Variants in CCSER1 observed in about 807,000 individuals in gnomAD.
CCSER1 encodes coiled-coil serine rich protein 1.
Under a neutral mutation model 82.0 loss-of-function variants are expected in CCSER1, and 41 were observed. The observed-to-expected ratio is 0.50, with a 90% confidence interval of 0.39 to 0.65. CCSER1 has a LOEUF of 0.65. Among genes scored for constraint, CCSER1 ranks in the 30% least tolerant of loss-of-function variants. The probability of loss-of-function intolerance (pLI) is 0.00; values close to 1 mark genes in which losing one functional copy is unlikely to be tolerated. For synonymous variants in CCSER1, 414 were observed against 383.9 expected (o/e 1.08, Z -0.92); for missense variants, 1,119 against 1,064.2 (o/e 1.05, Z -0.72).
chr4:91,139,500 G>A (rs1246456671), intron 10 of CCSER1, among the ~76,000 whole-genome samples: 1 of 151,914 alleles, frequency 6.6e-6, no homozygotes, highest in Non-Finnish European at 1.5e-5. Context: ...AGCAGATATT[G>A]AACAAAAAGA....
intron 5 of CCSER1, among the ~76,000 whole-genome samples, chr4:90,546,889 A>G (rs1776827690): frequency 6.6e-6 from 1 of 152,014 alleles, no homozygotes. Context: ...TTCATTATCA[A>G]ATCTGCTTTT....
chr4:91,584,829 T>C (rs979860154), intron 10 of CCSER1, among the ~76,000 whole-genome samples: 1 of 151,144 alleles, frequency 6.6e-6, no homozygotes, highest in African/African-American at 2.4e-5. Flanking sequence ...TCTTCTTGCC[T>C]ATTATGTGAG....
intron 3 of CCSER1, among the ~76,000 whole-genome samples, chr4:90,336,863 A>C (rs1007383204): frequency 6.6e-6 from 1 of 152,216 alleles, no homozygotes; most frequent in African/African-American, 2.4e-5. Context: ...ATCCTTCTGC[A>C]TTCGTCAGCA....
chr4:90,424,452 A>G (rs1475070576), intron 4 of CCSER1, among the ~76,000 whole-genome samples: 1 of 152,206 alleles, frequency 6.6e-6, no homozygotes, highest in Non-Finnish European at 1.5e-5. Flanking sequence ...ACCGCTAACT[A>G]TAATACTCAT....
chr4:90,637,674 A>G (rs1002527803), intron 6 of CCSER1, among the ~76,000 whole-genome samples: 1 of 152,146 alleles, frequency 6.6e-6, no homozygotes, highest in Non-Finnish European at 1.5e-5. Flanking sequence ...CAACTCAAGT[A>G]TAGTTTTCCA....
At chr4:91,374,472 TG>T (rs1348685948) in intron 10 of CCSER1, among the ~76,000 whole-genome samples, 3 of 152,218 alleles carry the variant, frequency 2.0e-5, no homozygotes, top group Non-Finnish European at 4.4e-5. Flanking sequence ...ATGACAGCAC[TG>T]CTGTTTACAA....
chr4:90,155,196 A>T (rs1727828440), intron 1 of CCSER1, among the ~76,000 whole-genome samples: 1 of 152,198 alleles, frequency 6.6e-6, no homozygotes, highest in East Asian at 1.9e-4. Context: ...TGATTTGCGT[A>T]TATTGAACCA....
chr4:90,693,129 C>T (rs1365663776), intron 6 of CCSER1, among the ~76,000 whole-genome samples: 1 of 151,864 alleles, frequency 6.6e-6, no homozygotes, highest in Non-Finnish European at 1.5e-5. Flanking sequence ...GTGGCTGAGT[C>T]TTCAAATTCT....
At chr4:91,513,164 G>A (rs1347791566) in intron 10 of CCSER1, among the ~76,000 whole-genome samples, 1 of 152,052 alleles carries the variant, frequency 6.6e-6, no homozygotes, top group Admixed American at 6.6e-5. Context: ...TTTCTTTAGG[G>A]TTTTTATCAT....
intron 3 of CCSER1, among the ~76,000 whole-genome samples, chr4:90,314,763 A>AT (rs1735874619): frequency 1.3e-5 from 2 of 151,616 alleles, no homozygotes; most frequent in Non-Finnish European, 2.9e-5. Context: ...AGATAAATAA[A>AT]AAATAAATAA....
chr4:91,531,072 C>A (rs1761006382), intron 10 of CCSER1, among the ~76,000 whole-genome samples: 3 of 151,864 alleles, frequency 2.0e-5, no homozygotes, highest in African/African-American at 7.2e-5. Context: ...TATGAGGCCC[C>A]CAAAATATTA....
At chr4:90,436,931 C>A (rs961882950) in intron 4 of CCSER1, among the ~76,000 whole-genome samples, 1 of 151,846 alleles carries the variant, frequency 6.6e-6, no homozygotes, top group East Asian at 1.9e-4. Context: ...CTCAGCCTCC[C>A]GAGTAGCTGG....
intron 5 of CCSER1, among the ~76,000 whole-genome samples, chr4:90,479,104 T>G (rs532910768): frequency 5.3e-5 from 8 of 152,286 alleles, no homozygotes; most frequent in African/African-American, 1.9e-4. Flanking sequence ...ATCATTCTTT[T>G]TTTTTTCAAA....
At chr4:91,506,743 A>C (rs1759512612) in intron 10 of CCSER1, among the ~76,000 whole-genome samples, 1 of 152,164 alleles carries the variant, frequency 6.6e-6, no homozygotes, top group Non-Finnish European at 1.5e-5. Flanking sequence ...ATGTGCATAG[A>C]GTTGAGCAAC....
chr4:90,280,549 C>T (rs1332848531), intron 1 of CCSER1, among the ~76,000 whole-genome samples: 1 of 151,902 alleles, frequency 6.6e-6, no homozygotes, highest in African/African-American at 2.4e-5. Context: ...AAATAGGCCT[C>T]TATTTTAATA....
intron 8 of CCSER1, among the ~76,000 whole-genome samples, chr4:90,881,890 G>C (rs1238199232): frequency 6.6e-6 from 1 of 150,750 alleles, no homozygotes; most frequent in East Asian, 1.9e-4. Flanking sequence ...ACTCACTGCA[G>C]CTGAACTGCA....
At chr4:91,150,000 T>C (rs1438396017) in intron 10 of CCSER1, among the ~76,000 whole-genome samples, 1 of 152,214 alleles carries the variant, frequency 6.6e-6, no homozygotes, top group Non-Finnish European at 1.5e-5. Flanking sequence ...AAGTAGTTTT[T>C]TCCAATTCTG....
intron 7 of CCSER1, among the ~76,000 whole-genome samples, chr4:90,800,221 G>A (rs1158402561): frequency 1.3e-5 from 2 of 152,046 alleles, no homozygotes; most frequent in Non-Finnish European, 2.9e-5. Flanking sequence ...TAACAGAAAG[G>A]AACTTTTAAT....
intron 10 of CCSER1, among the ~76,000 whole-genome samples, chr4:91,379,259 G>T (rs1357064971): frequency 1.3e-5 from 2 of 152,236 alleles, no homozygotes; most frequent in South Asian, 2.1e-4. Context: ...GATGATGCTG[G>T]CCTCATAAAA....
Sources: gnomAD v4.1 joint callset for allele counts (sites outside exome capture counted in the v4.1 genomes callset) on GRCh38, gnomAD v4.1.1 for gene constraint, MANE v1.5 for transcripts, NCBI Gene and HGNC (gene_info 2026-07-23, HGNC 2026-07-21) for gene names.